AGBL4: variants seen among roughly 807,000 people sequenced by gnomAD.
AGBL4 encodes the protein cytosolic carboxypeptidase 6.
AGBL4 carries 58 observed loss-of-function variants against 66.4 expected under a neutral mutation model. The ratio of observed to expected loss-of-function variants is 0.87; its 90% CI spans 0.71 to 1.09. The LOEUF (loss-of-function observed/expected upper bound fraction) is 1.09. AGBL4 is among the 50% of genes least tolerant of loss of function. The pLI is 0.00. For missense variants in AGBL4, 579 were observed against 631.0 expected, an observed-to-expected ratio of 0.92 and a Z score of 0.88; for synonymous variants, 234 against 222.9, an observed-to-expected ratio of 1.05 and a Z score of -0.44.
intron 4 of AGBL4, among the ~76,000 whole-genome samples, chr1:49,089,791 C>A (rs1001660677): frequency 2.0e-5 from 3 of 151,974 alleles, no homozygotes; most frequent in Admixed American, 1.3e-4. Context: ...GAGACACACA[C>A]ACACAAAATA....
intron 11 of AGBL4, among the ~76,000 whole-genome samples, chr1:48,581,459 T>C (rs571435005): frequency 6.6e-6 from 1 of 152,342 alleles, no homozygotes; most frequent in South Asian, 2.1e-4. Context: ...ATCCATTATG[T>C]CAAAGAGCTA....
intron 5 of AGBL4, among the ~76,000 whole-genome samples, chr1:48,884,630 G>A (rs1322168516): frequency 2.6e-5 from 4 of 152,158 alleles, no homozygotes; most frequent in Non-Finnish European, 1.5e-5. Context: ...CATTTACACA[G>A]ATGTGTCTGT....
chr1:49,156,720 GTAATATAACCTTATCGAT>G (rs1420695871), intron 4 of AGBL4, among the ~76,000 whole-genome samples: 1 of 152,108 alleles, frequency 6.6e-6, no homozygotes, highest in Non-Finnish European at 1.5e-5. Context: ...TTATTTCAGA[GTAATATAACCTTATCGAT>G]TAATATAACC....
rs1570675687 is a variant in AGBL4 at position 49,421,456 on chromosome 1, G to A, written c.283-175592C>T. Among the ~76,000 whole-genome samples, 3 of 152,242 alleles carry A rather than the reference G, an allele frequency of 2.0e-5. No individual in the cohort carries two copies. In the East Asian group the frequency reaches 5.8e-4, roughly 29 times the overall value. ...ATTGTCTGAAAGTGAGATGGAAGGG[G>A]TAGGCTCAGGAGAGCCAGCTTTGAG... On this transcript the variant is annotated intron_variant, in intron 3 of 13. Coordinates refer to ENST00000371839, the MANE Select transcript of AGBL4 (RefSeq NM_032785.4).
chr1:48,907,903 A>G (rs549669984), intron 5 of AGBL4, among the ~76,000 whole-genome samples: 1 of 152,298 alleles, frequency 6.6e-6, no homozygotes, highest in African/African-American at 2.4e-5. Flanking sequence ...TGCCAGGCCA[A>G]GAAAAGGAGG....
intron 3 of AGBL4, among the ~76,000 whole-genome samples, chr1:49,344,931 T>G (rs533852423): frequency 6.6e-6 from 1 of 152,320 alleles, no homozygotes; most frequent in South Asian, 2.1e-4. Flanking sequence ...AGTTATCATT[T>G]TGGCTAAATA....
At chr1:49,252,139 C>T (rs1361513664) in intron 3 of AGBL4, among the ~76,000 whole-genome samples, 1 of 151,918 alleles carries the variant, frequency 6.6e-6, no homozygotes, top group African/African-American at 2.4e-5. Context: ...TGAAACCCAA[C>T]AAAAGGAAAA....
intron 4 of AGBL4, among the ~76,000 whole-genome samples, chr1:49,067,247 A>T (rs1644508023): frequency 6.6e-6 from 1 of 152,218 alleles, no homozygotes; most frequent in Admixed American, 6.5e-5. Context: ...AAGCAGAGAG[A>T]AAAGCATGGG....
chr1:50,019,691 G>A (rs1662295917), intron 1 of AGBL4, among the ~76,000 whole-genome samples: 1 of 151,978 alleles, frequency 6.6e-6, no homozygotes, highest in Non-Finnish European at 1.5e-5. Context: ...GCCTACATGG[G>A]CTTCCACAGA....
Position 48,634,487 on chromosome 1 carries a change from A to G in AGBL4, c.951+6T>C. The G allele has an allele frequency of 6.3e-7, 1 of 1,586,006 alleles. No individual in the cohort carries two copies. The highest frequency in any genetic ancestry group is 8.6e-7 in the Non-Finnish European group (1 of 1,164,296). On this transcript the variant is annotated splice_donor_region_variant and intron_variant, in intron 9 of 13. Transcript: ENST00000371839. ...CAGCAGCTGTGGAGGGCATTCAGTT[A>G]CTTACTGGGTCGTTGTACATCTGGA...
At chr1:49,543,502 A>T (rs1258768037) in intron 3 of AGBL4, among the ~76,000 whole-genome samples, 1 of 152,070 alleles carries the variant, frequency 6.6e-6, no homozygotes, top group Non-Finnish European at 1.5e-5. Flanking sequence ...GCAGAAGAAA[A>T]GCACACTCAG....
intron 4 of AGBL4, among the ~76,000 whole-genome samples, chr1:49,066,451 C>G (rs1644494084): frequency 6.6e-6 from 1 of 152,158 alleles, no homozygotes. Flanking sequence ...ACTCAGAAGG[C>G]TGGGGCAGGG....
chr1:49,792,269 T>C (rs915223205), intron 2 of AGBL4, among the ~76,000 whole-genome samples: 2 of 151,970 alleles, frequency 1.3e-5, no homozygotes, highest in Non-Finnish European at 2.9e-5. Flanking sequence ...TTATATTTAT[T>C]ATAAAAAGGA....
At chr1:49,785,430 C>T (rs1479389046) in intron 2 of AGBL4, among the ~76,000 whole-genome samples, 1 of 151,842 alleles carries the variant, frequency 6.6e-6, no homozygotes, top group Non-Finnish European at 1.5e-5. Context: ...AAGTGTTTTA[C>T]CCCATAAGTA....
intron 2 of AGBL4, among the ~76,000 whole-genome samples, chr1:49,830,376 C>A (rs1242232824): frequency 6.6e-6 from 1 of 152,142 alleles, no homozygotes; most frequent in East Asian, 1.9e-4. Flanking sequence ...TGACGATGAG[C>A]TTTTTTTACA....
intron 8 of AGBL4, among the ~76,000 whole-genome samples, chr1:48,635,466 A>G (rs1410614844): frequency 1.3e-5 from 2 of 152,154 alleles, no homozygotes; most frequent in Non-Finnish European, 1.5e-5. Context: ...TCAGATTTTC[A>G]CTAGCGTCCT....
At chr1:49,821,424 T>C (rs1645366900) in intron 2 of AGBL4, among the ~76,000 whole-genome samples, 1 of 152,206 alleles carries the variant, frequency 6.6e-6, no homozygotes, top group South Asian at 2.1e-4. Context: ...ATCAAGGCTA[T>C]GAAAATGCAA....
chr1:49,780,557 G>T (rs1251538026), intron 2 of AGBL4, among the ~76,000 whole-genome samples: 1 of 152,048 alleles, frequency 6.6e-6, no homozygotes, highest in East Asian at 1.9e-4. Flanking sequence ...GGTTTGTAAT[G>T]CCTGTGAGAT....
At chr1:49,426,649 A>C (rs1645666675) in intron 3 of AGBL4, among the ~76,000 whole-genome samples, 1 of 152,120 alleles carries the variant, frequency 6.6e-6, no homozygotes, top group Non-Finnish European at 1.5e-5. Context: ...CCCAGTGCAA[A>C]GTAATTTACT....
Sources: gnomAD v4.1 joint callset for allele counts (sites outside exome capture counted in the v4.1 genomes callset) on GRCh38, gnomAD v4.1.1 for gene constraint, MANE v1.5 for transcripts, NCBI Gene and HGNC (gene_info 2026-07-23, HGNC 2026-07-21) for gene names.